The following FOXN3 variants were observed in gnomAD, a reference collection of about 807,000 sequenced individuals.
The protein encoded by FOXN3 is forkhead box protein N3.
FOXN3 carries 7 observed loss-of-function variants against 38.4 expected under a neutral mutation model. The observed-to-expected ratio is 0.18, with a 90% CI of 0.10 to 0.34. The LOEUF (loss-of-function observed/expected upper bound fraction) is 0.34, where lower values mean the gene tolerates loss of function less well. Among genes scored for constraint, FOXN3 ranks in the 10% least tolerant of loss-of-function variants. The pLI is 1.00. For missense variants in FOXN3, 456 were observed against 613.4 expected, an observed-to-expected ratio of 0.74 and a Z score of 2.71; for synonymous variants, 230 against 242.2, an observed-to-expected ratio of 0.95 and a Z score of 0.47.
At chr14:89,544,464 CT>C (rs777463960) in intron 1 of FOXN3, among the ~76,000 whole-genome samples, 14 of 152,070 alleles carry the variant, frequency 9.2e-5, no homozygotes, top group Non-Finnish European at 1.9e-4. Flanking sequence ...GCAAAATCTC[CT>C]TTTGCTAACA....
At chr14:89,415,916 T>C (rs1891699654) in intron 1 of FOXN3, among the ~76,000 whole-genome samples, 1 of 151,666 alleles carries the variant, frequency 6.6e-6, no homozygotes, top group African/African-American at 2.4e-5. Context: ...TTGCTGTGTT[T>C]TGTTACCCTC....
At chr14:89,489,515 C>A (rs1893528810) in intron 1 of FOXN3, among the ~76,000 whole-genome samples, 1 of 152,132 alleles carries the variant, frequency 6.6e-6, no homozygotes, top group Non-Finnish European at 1.5e-5. Flanking sequence ...AAATCTTTTA[C>A]TTGTAATTAA....
At chr14:89,246,102 G>A (rs976328701) in intron 4 of FOXN3, among the ~76,000 whole-genome samples, 3 of 151,874 alleles carry the variant, frequency 2.0e-5, no homozygotes, top group Non-Finnish European at 4.4e-5. Context: ...GCACAACTCT[G>A]CGAAAAAAAA....
In FOXN3 at chr14:89,402,478, C is replaced by CT. The variant is rs374375928; in HGVS notation, c.543+9455dup. Among the ~76,000 whole-genome samples, 110 of 152,310 alleles carry CT rather than the reference C, an allele frequency of 7.2e-4. 1 individual carries two copies. The highest frequency in any genetic ancestry group is 2.6e-3 in the African/African-American group (108 of 41,560). On this transcript the variant is annotated intron_variant, in intron 2 of 5. Coordinates refer to ENST00000557258, the MANE Select transcript of FOXN3 (RefSeq NM_005197.4). ...TTTGTGACAGAAAGTTCCAAGTTTG[C>CT]TTGGCAACAGAATCAACATTTAACT...
intron 4 of FOXN3, among the ~76,000 whole-genome samples, chr14:89,196,900 G>A (rs758510593): frequency 3.9e-5 from 6 of 152,190 alleles, no homozygotes; most frequent in East Asian, 1.9e-4. Flanking sequence ...TCCACACTGC[G>A]ATATATACCT....
At chr14:89,420,367 G>A (rs891525027), upstream of FOXN3, among the ~76,000 whole-genome samples, 2 of 152,196 alleles carry the variant, frequency 1.3e-5, no homozygotes, top group African/African-American at 4.8e-5. Context: ...GGGAAGGGAG[G>A]GGAGATGACT....
At chr14:89,205,241 A>G (rs1888350178) in intron 4 of FOXN3, among the ~76,000 whole-genome samples, 1 of 151,916 alleles carries the variant, frequency 6.6e-6, no homozygotes, top group African/African-American at 2.4e-5. Flanking sequence ...CAAAATTCCT[A>G]TGTTGAAACC....
intron 5 of FOXN3, among the ~76,000 whole-genome samples, chr14:89,168,867 G>T (rs1348573648): frequency 6.6e-6 from 1 of 152,140 alleles, no homozygotes; most frequent in Non-Finnish European, 1.5e-5. Context: ...TAAAGTAGTA[G>T]AAAGAAAACG....
intron 2 of FOXN3, among the ~76,000 whole-genome samples, chr14:89,393,430 GCA>G (rs748480775): frequency 3.3e-5 from 5 of 152,176 alleles, no homozygotes; most frequent in Admixed American, 6.5e-5. Flanking sequence ...CACAGGAAAC[GCA>G]CAGAGTGCCA....
At position 89,569,030 on chromosome 14, in the gene FOXN3, C is replaced by A. The variant is rs1416172611; in HGVS notation, c.-15+49998G>T. Among the ~76,000 whole-genome samples the A allele has an allele frequency of 1.3e-5, 2 of 152,270 alleles. 1 individual carries two copies. The highest frequency in any genetic ancestry group is 4.1e-4 in the South Asian group (2 of 4,824). ...CCAACCCGGCTAACACGGTGAAACC[C>A]CATCTCTACTAAAAATACAAAAATA... On this transcript the variant is annotated intron_variant, in intron 1 of 6. Transcript: ENST00000345097.
intron 1 of FOXN3, among the ~76,000 whole-genome samples, chr14:89,447,151 G>A (rs1035764206): frequency 9.3e-5 from 14 of 151,054 alleles, no homozygotes; most frequent in African/African-American, 2.2e-4. Context: ...AGCCGAGATC[G>A]CGCCATTGCA....
Position 89,156,532 on chromosome 14 carries a change from T to C in FOXN3, c.*5882A>G, listed in dbSNP as rs1432139983. 2 of 152,528 alleles carry C rather than the reference T, an allele frequency of 1.3e-5. No homozygotes were observed. The highest frequency in any genetic ancestry group is 2.9e-5 in the Non-Finnish European group (2 of 68,028). 9.4% of individuals were successfully genotyped at this position (152,528 alleles called of 1,614,324 possible). A position where few individuals can be genotyped will look rare whatever the true frequency, so the allele number is the denominator to read the frequency against. ...AAAAAATTGGCTTTTGAAAAATTAT[T>C]ACTCTCGTAAATTAATTTGGCCGTG... On this transcript the variant is annotated 3_prime_UTR_variant, in exon 6 of 6. Coordinates refer to ENST00000557258, the MANE Select transcript of FOXN3 (RefSeq NM_005197.4).
At chr14:89,228,807 G>A (rs376167994) in intron 4 of FOXN3, among the ~76,000 whole-genome samples, 4 of 152,176 alleles carry the variant, frequency 2.6e-5, no homozygotes, top group African/African-American at 9.7e-5. Context: ...CCTTTGGAGT[G>A]ATATATTAGA....
Position 89,162,506 on chromosome 14 carries a change from G to A in FOXN3, c.1315C>T (p.Leu439=). 2 of 1,613,714 alleles carry A rather than the reference G, an allele frequency of 1.2e-6. No individual in the cohort carries two copies. The highest frequency in any genetic ancestry group is 3.3e-5 in the Admixed American group (2 of 59,972). ...EEMKEAAGSL[L]HLAGIRSCLN... Reference sequence around the variant, plus strand: ...CAGGACCGGATCCCTGCTAAGTGCAGGAGGGACCCTGCCGCTTCTTTCATC... The same window carrying A: ...CAGGACCGGATCCCTGCTAAGTGCAAGAGGGACCCTGCCGCTTCTTTCATC... Residue 439 remains leucine, a synonymous_variant, in exon 6 of 6, where the codon CTG becomes TTG. Transcript: ENST00000557258. This position sits in a 1 kb window ranked among gnomAD's most constrained non-coding sequence, Gnocchi z 7.2.
At chr14:89,257,855 C>T (rs879844878) in intron 4 of FOXN3, among the ~76,000 whole-genome samples, 1 of 152,132 alleles carries the variant, frequency 6.6e-6, no homozygotes, top group Admixed American at 6.5e-5. Flanking sequence ...TTGATTTTAA[C>T]CTCAGAGCAA....
At chr14:89,537,814 C>A (rs1003384325) in intron 1 of FOXN3, among the ~76,000 whole-genome samples, 1 of 152,158 alleles carries the variant, frequency 6.6e-6, no homozygotes, top group Non-Finnish European at 1.5e-5. Context: ...AAAAGAGGCT[C>A]ATACTTAATA....
At chr14:89,485,252 G>A (rs1457653089) in intron 1 of FOXN3, among the ~76,000 whole-genome samples, 1 of 151,688 alleles carries the variant, frequency 6.6e-6, no homozygotes, top group East Asian at 1.9e-4. Flanking sequence ...AGGATCCACT[G>A]CACCATACCC....
At chr14:89,269,595 C>G (rs1398891113) in intron 4 of FOXN3, among the ~76,000 whole-genome samples, 2 of 151,572 alleles carry the variant, frequency 1.3e-5, no homozygotes, top group South Asian at 2.1e-4. Context: ...CGGTAATGGT[C>G]GCAACAGTTG....
intron 4 of FOXN3, among the ~76,000 whole-genome samples, chr14:89,186,519 A>T (rs1313348327): frequency 6.6e-6 from 1 of 152,154 alleles, no homozygotes; most frequent in Admixed American, 6.5e-5. Context: ...AGCTGGAATG[A>T]ATCTACATAG....
Sources: allele counts gnomAD v4.1 joint callset (sites outside exome capture counted in the v4.1 genomes callset), GRCh38; gene constraint gnomAD v4.1.1; non-coding constraint Gnocchi (gnomAD v3.1); transcripts MANE v1.5; gene names NCBI Gene and HGNC (gene_info 2026-07-23, HGNC 2026-07-21).